Variants in AFG2A observed in about 807,000 individuals in gnomAD.
AFG2A encodes the protein ATPase family gene 2 protein homolog A.
chr4:123,095,042 A>AAATAT, the AFG2A span, among the ~76,000 whole-genome samples: 8 of 114,102 alleles, frequency 7.0e-5, no homozygotes, highest in African/African-American at 2.5e-4. Flanking sequence ...AAAAAAAAAA[A>AAATAT]ATATATATAT....
the AFG2A span, among the ~76,000 whole-genome samples, chr4:122,976,726 A>G: frequency 6.6e-6 from 1 of 152,156 alleles, no homozygotes; most frequent in South Asian, 2.1e-4. Context: ...TCCAACTGCC[A>G]CCTGAATGTT....
At chr4:123,043,589 A>G in the AFG2A span, among the ~76,000 whole-genome samples, 12 of 152,218 alleles carry the variant, frequency 7.9e-5, no homozygotes, top group Admixed American at 2.6e-4. Context: ...GTCTATCCCT[A>G]AAGAACTGAG....
At chr4:122,933,455 A>G in the AFG2A span, 9 of 1,612,436 alleles carry the variant, frequency 5.6e-6, no homozygotes, top group East Asian at 4.5e-5. Context: ...AGATATGGAA[A>G]TTAATGAAGA....
the AFG2A span, among the ~76,000 whole-genome samples, chr4:122,997,461 G>A: frequency 1.3e-5 from 2 of 152,102 alleles, no homozygotes; most frequent in African/African-American, 2.4e-5. Flanking sequence ...GTTGCAGCAT[G>A]TATCAGTATT....
At chr4:123,244,388 T>C in the AFG2A span, among the ~76,000 whole-genome samples, 1 of 152,212 alleles carries the variant, frequency 6.6e-6, no homozygotes, top group Non-Finnish European at 1.5e-5. Flanking sequence ...AGAAACACGC[T>C]GTTCCTCTCA....
At chr4:123,299,867 C>G in the AFG2A span, among the ~76,000 whole-genome samples, 1 of 152,130 alleles carries the variant, frequency 6.6e-6, no homozygotes, top group Non-Finnish European at 1.5e-5. Context: ...ATTTCTAATA[C>G]CAAAACAACC....
chr4:123,297,724 A>AG, the AFG2A span, among the ~76,000 whole-genome samples: 1 of 151,578 alleles, frequency 6.6e-6, no homozygotes, highest in Non-Finnish European at 1.5e-5. Context: ...ATCTCAAAAA[A>AG]AAAAAGAAAA....
chr4:123,212,195 G>A, the AFG2A span, among the ~76,000 whole-genome samples: 7 of 152,096 alleles, frequency 4.6e-5, no homozygotes, highest in South Asian at 1.0e-3. Flanking sequence ...CCAGTTACTC[G>A]TTTTTAACAA....
chr4:122,929,870 A>G, the AFG2A span, among the ~76,000 whole-genome samples: 1 of 152,172 alleles, frequency 6.6e-6, no homozygotes, highest in African/African-American at 2.4e-5. Context: ...GTTATATTAG[A>G]CAACCCAAGC....
chr4:123,223,104 G>A, the AFG2A span, among the ~76,000 whole-genome samples: 5 of 152,098 alleles, frequency 3.3e-5, no homozygotes, highest in Non-Finnish European at 7.3e-5. Flanking sequence ...ATTTTTTGAG[G>A]AACGTTCTTA....
the AFG2A span, among the ~76,000 whole-genome samples, chr4:123,132,415 G>T: frequency 6.6e-6 from 1 of 151,828 alleles, no homozygotes; most frequent in African/African-American, 2.4e-5. Context: ...TTCACTTAGC[G>T]TGATGTTTTC....
At chr4:123,042,091 C>T in the AFG2A span, among the ~76,000 whole-genome samples, 56 of 152,190 alleles carry the variant, frequency 3.7e-4, no homozygotes, top group Non-Finnish European at 1.3e-4. Context: ...CTAACCTACT[C>T]ATCTATTACC....
chr4:123,113,500 A>T, the AFG2A span, among the ~76,000 whole-genome samples: 1 of 137,314 alleles, frequency 7.3e-6, no homozygotes, highest in Non-Finnish European at 1.5e-5. Context: ...AGTTAATATT[A>T]AAAAAAAAAA....
chr4:123,146,555 AG>A, the AFG2A span, among the ~76,000 whole-genome samples: 1 of 152,222 alleles, frequency 6.6e-6, no homozygotes, highest in African/African-American at 2.4e-5. Flanking sequence ...AAATATGCAT[AG>A]TTATGAAACT....
At chr4:123,039,676 C>T in the AFG2A span, among the ~76,000 whole-genome samples, 1 of 151,554 alleles carries the variant, frequency 6.6e-6, no homozygotes, top group African/African-American at 2.4e-5. Flanking sequence ...ATACTACAGG[C>T]ATTTCTTGCT....
At chr4:123,005,537 T>A in the AFG2A span, among the ~76,000 whole-genome samples, 1 of 152,230 alleles carries the variant, frequency 6.6e-6, no homozygotes, top group African/African-American at 2.4e-5. Flanking sequence ...TGCTTTATGC[T>A]AAATTTCTTC....
the AFG2A span, among the ~76,000 whole-genome samples, chr4:122,969,223 G>GT: frequency 6.6e-6 from 1 of 151,832 alleles, no homozygotes; most frequent in Admixed American, 6.6e-5. Flanking sequence ...CAAATCTACT[G>GT]TTAGGTATAT....
the AFG2A span, among the ~76,000 whole-genome samples, chr4:123,186,469 A>T: frequency 1.3e-5 from 2 of 152,204 alleles, no homozygotes; most frequent in South Asian, 4.1e-4. Context: ...AAGTTGTTCA[A>T]ATAGAAGTTG....
chr4:122,951,167 G>A, the AFG2A span, among the ~76,000 whole-genome samples: 2 of 152,096 alleles, frequency 1.3e-5, no homozygotes, highest in African/African-American at 2.4e-5. Context: ...ACATGTCAGG[G>A]CACCAAAGGA....
Sources: allele counts gnomAD v4.1 joint callset (sites outside exome capture counted in the v4.1 genomes callset), GRCh38; gene constraint gnomAD v4.1.1; transcripts MANE v1.5; gene names NCBI Gene and HGNC (gene_info 2026-07-23, HGNC 2026-07-21).